ARID1B: variants seen among roughly 807,000 people sequenced by gnomAD.
ARID1B encodes the protein AT-rich interaction domain 1B.
In ARID1B, 30 loss-of-function variants were observed where a neutral mutation model predicts 212.3. The observed-to-expected ratio is 0.14, with a 90% CI of 0.11 to 0.19. The LOEUF is 0.19. Among genes scored for constraint, ARID1B ranks in the 10% least tolerant of loss-of-function variants. The probability of loss-of-function intolerance (pLI) is 1.00; values close to 1 mark genes in which losing one functional copy is unlikely to be tolerated. For missense variants in ARID1B, 2,891 were observed against 3,204.0 expected, an observed-to-expected ratio of 0.90 and a Z score of 2.36; for synonymous variants, 1,402 against 1,301.7, an observed-to-expected ratio of 1.08 and a Z score of -1.66.
chr6:157,058,757 T>G (rs1227253594), intron 4 of ARID1B, among the ~76,000 whole-genome samples: 1 of 152,160 alleles, frequency 6.6e-6, no homozygotes, highest in Non-Finnish European at 1.5e-5. Flanking sequence ...CAGACGTGGT[T>G]CTGGCCCTCA....
chr6:156,778,224 C>T lies in ARID1B; in HGVS notation c.544C>T (p.His182Tyr), dbSNP rs2114966725. The change falls in exon 1 of 20, where the codon CAC (histidine) becomes TAC (tyrosine). Residue 182 changes from histidine to tyrosine, a missense_variant. By Grantham distance (83) the His-to-Tyr change is moderately conservative. Coordinates refer to ENST00000636930, the MANE Select transcript of ARID1B (RefSeq NM_001374828.1). Reference protein sequence around the residue: ...HAHHHHHHAHHLHHHHALQQQ... With the variant: ...HAHHHHHHAHYLHHHHALQQQ... ...CCACCACCACCACCACCATGCCCAC[C>T]ACCTCCACCACCACCACGCACTACA... 1 of 1,540,470 alleles carries T rather than the reference C, an allele frequency of 6.5e-7. No homozygotes were observed. The highest frequency in any genetic ancestry group is 8.7e-7 in the Non-Finnish European group (1 of 1,146,508).
chr6:156,880,359 A>T (rs1429026152), intron 2 of ARID1B, among the ~76,000 whole-genome samples: 1 of 152,178 alleles, frequency 6.6e-6, no homozygotes, highest in Admixed American at 6.5e-5. Flanking sequence ...AGATAAGATG[A>T]TGTAGTGTTT....
intron 1 of ARID1B, among the ~76,000 whole-genome samples, chr6:156,796,753 G>A (rs1258141594): frequency 2.0e-5 from 3 of 152,190 alleles, no homozygotes; most frequent in Admixed American, 2.0e-4. Flanking sequence ...GGAGAAGTTC[G>A]TCATGCAGCT....
At chr6:157,031,199 A>C (rs1554285832) in intron 4 of ARID1B, among the ~76,000 whole-genome samples, 1 of 152,214 alleles carries the variant, frequency 6.6e-6, no homozygotes, top group Non-Finnish European at 1.5e-5. Context: ...CTTCTCCTGC[A>C]GTTTAAATTG....
chr6:157,138,163 T>G (rs6912032), intron 7 of ARID1B, among the ~76,000 whole-genome samples: 17,902 of 152,048 alleles, frequency 0.12, 1,333 homozygotes, highest in African/African-American at 0.19. Flanking sequence ...AGACCCAGGA[T>G]TTCAGTCTCT....
chr6:156,950,724 G>A lies in ARID1B; in HGVS notation c.2247+15148G>A, dbSNP rs181921817. Among the ~76,000 whole-genome samples, 869 of 152,236 alleles carry A rather than the reference G, an allele frequency of 5.7e-3. 14 individuals carry two copies. Among genetic ancestry groups the A allele is most frequent in the African/African-American group, 0.02 (838 of 41,538 alleles). ...GGTAACTGCTGTAAAGGTAACTGGG[G>A]AAGTTATAGAGGAAATGACTATGAC... On this transcript the variant is annotated intron_variant, in intron 4 of 19. Transcript: ENST00000636930.
chr6:157,145,259 T>G (rs1789641412), intron 7 of ARID1B, among the ~76,000 whole-genome samples: 1 of 152,336 alleles, frequency 6.6e-6, no homozygotes, highest in Middle Eastern at 3.4e-3. Flanking sequence ...GTCCACAGAT[T>G]GTGGCCCGCT....
chr6:156,932,515 G>A (rs1255455841), intron 3 of ARID1B, among the ~76,000 whole-genome samples: 7 of 152,194 alleles, frequency 4.6e-5, no homozygotes, highest in African/African-American at 1.7e-4. Context: ...AAAGATGGCA[G>A]TAATGTTTTA....
intron 2 of ARID1B, among the ~76,000 whole-genome samples, chr6:156,845,379 C>G (rs1472436047): frequency 2.6e-5 from 4 of 152,118 alleles, no homozygotes; most frequent in Non-Finnish European, 5.9e-5. Context: ...TTTCTGAATT[C>G]CATGTCTTGT....
At chr6:156,968,126 C>T (rs1794899576) in intron 4 of ARID1B, among the ~76,000 whole-genome samples, 1 of 152,220 alleles carries the variant, frequency 6.6e-6, no homozygotes, top group Non-Finnish European at 1.5e-5. Flanking sequence ...AACCAAGCAT[C>T]TGTAAGCACC....
intron 8 of ARID1B, chr6:157,164,646 C>T (rs1306874521): frequency 1.3e-5 from 2 of 151,940 alleles, no homozygotes; most frequent in Non-Finnish European, 1.5e-5. Flanking sequence ...TAGTAATTCT[C>T]ATGTGCAAGG....
intron 4 of ARID1B, among the ~76,000 whole-genome samples, chr6:157,000,474 A>G (rs1384350000): frequency 6.6e-6 from 1 of 152,238 alleles, no homozygotes; most frequent in African/African-American, 2.4e-5. Context: ...GAAAAGAAAT[A>G]TTGTAAAATA....
chr6:156,844,211 A>G (rs1487536290), intron 2 of ARID1B, among the ~76,000 whole-genome samples: 1 of 152,196 alleles, frequency 6.6e-6, no homozygotes, highest in African/African-American at 2.4e-5. Context: ...TCAGAAAGCC[A>G]CAGGGCTGCC....
At chr6:157,085,571 A>G (rs191974598) in intron 5 of ARID1B, among the ~76,000 whole-genome samples, 2 of 152,158 alleles carry the variant, frequency 1.3e-5, no homozygotes, top group Non-Finnish European at 2.9e-5. Context: ...CAGCTTTCTT[A>G]TATCAGACTT....
Position 157,037,956 on chromosome 6 carries a change from A to G in ARID1B, c.2248-46706A>G, listed in dbSNP as rs79326561. Among the ~76,000 whole-genome samples, 1,061 of 152,346 alleles carry G rather than the reference A, an allele frequency of 7.0e-3. 12 individuals are homozygous for G. The highest frequency in any genetic ancestry group is 0.024 in the African/African-American group (991 of 41,574). On this transcript the variant is annotated intron_variant, in intron 4 of 19. Coordinates refer to ENST00000636930, the MANE Select transcript of ARID1B (RefSeq NM_001374828.1). ...CCCTGAGATAGAGAACACAAGAGGA[A>G]GAATTACAGATTTTTAAAAATTATA...
chr6:156,998,039 C>T lies in ARID1B; in HGVS notation c.2247+62463C>T, dbSNP rs188907963. 3.9e-5 allele frequency among the ~76,000 whole-genome samples: 6 copies of T among 152,290 alleles called. No homozygotes were observed. The East Asian group carries it at 5.8e-4, about 15-fold the overall frequency. ...TAACGCTTAAGAGGAACCTCGTCATCGTGACTACTCCAGAGCATGGATTAT... is the reference window on the plus strand; with the variant it reads ...TAACGCTTAAGAGGAACCTCGTCATTGTGACTACTCCAGAGCATGGATTAT... On this transcript the variant is annotated intron_variant, in intron 4 of 19. Coordinates refer to ENST00000636930, the MANE Select transcript of ARID1B (RefSeq NM_001374828.1).
chr6:156,808,926 A>G (rs1328491887), intron 1 of ARID1B, among the ~76,000 whole-genome samples: 4 of 152,190 alleles, frequency 2.6e-5, no homozygotes, highest in Admixed American at 2.6e-4. Context: ...TGTACACACG[A>G]GTTTGTTTTA....
At chr6:156,922,173 C>CTTTTTTTT (rs11386798) in intron 3 of ARID1B, among the ~76,000 whole-genome samples, 1 of 138,078 alleles carries the variant, frequency 7.2e-6, no homozygotes, top group African/African-American at 2.7e-5. Flanking sequence ...ATAGGTTGCC[C>CTTTTTTTT]TTTTTTTTTT....
intron 4 of ARID1B, among the ~76,000 whole-genome samples, chr6:156,951,143 A>G (rs1793554643): frequency 6.6e-6 from 1 of 152,224 alleles, no homozygotes; most frequent in South Asian, 2.1e-4. Flanking sequence ...TTTAACTGAA[A>G]GAGTCCTGGT....
Sources: allele counts gnomAD v4.1 joint callset (sites outside exome capture counted in the v4.1 genomes callset), GRCh38; gene constraint gnomAD v4.1.1; transcripts MANE v1.5; gene names NCBI Gene and HGNC (gene_info 2026-07-23, HGNC 2026-07-21).